The following KCNIP1 variants were observed in gnomAD, a reference collection of about 807,000 sequenced individuals.
The protein encoded by KCNIP1 is potassium voltage-gated channel interacting protein 1, also known as A-type potassium channel modulatory protein KCNIP1.
Under a neutral mutation model 33.0 loss-of-function variants are expected in KCNIP1, and 18 were observed. The observed-to-expected ratio is 0.55, with a 90% confidence interval of 0.38 to 0.81. The LOEUF (loss-of-function observed/expected upper bound fraction) is 0.81. Ranked by LOEUF, KCNIP1 falls within the 30% of genes least tolerant of loss-of-function variation. The pLI is 0.00. For missense variants in KCNIP1, 238 were observed against 271.6 expected, an observed-to-expected ratio of 0.88 and a Z score of 0.87; for synonymous variants, 93 against 98.3, an observed-to-expected ratio of 0.95 and a Z score of 0.32.
At chr5:170,470,539 C>T (rs1051952018) in intron 1 of KCNIP1, among the ~76,000 whole-genome samples, 1 of 152,190 alleles carries the variant, frequency 6.6e-6, no homozygotes, top group African/African-American at 2.4e-5. Flanking sequence ...GGGCGCCAAG[C>T]AAGCAGAATT....
intron 1 of KCNIP1, among the ~76,000 whole-genome samples, chr5:170,516,289 T>C (rs1421891291): frequency 1.3e-5 from 2 of 152,216 alleles, no homozygotes; most frequent in African/African-American, 2.4e-5. Context: ...GGGAACTTAC[T>C]ATTTGTCCCC....
intron 1 of KCNIP1, among the ~76,000 whole-genome samples, chr5:170,520,904 A>G (rs879798773): frequency 3.9e-5 from 6 of 152,216 alleles, no homozygotes; most frequent in Admixed American, 1.3e-4. Flanking sequence ...GTGGCCTTGG[A>G]TAAGTCATCT....
At chr5:170,380,407 A>G (rs1764192302) in intron 1 of KCNIP1, among the ~76,000 whole-genome samples, 1 of 152,212 alleles carries the variant, frequency 6.6e-6, no homozygotes, top group African/African-American at 2.4e-5. Context: ...AAAATGTGTA[A>G]AACTGAGACC....
intron 1 of KCNIP1, among the ~76,000 whole-genome samples, chr5:170,462,264 C>CAAAAAAAAAAAAAAAAAAAAAAATAAAAA (rs760686464): frequency 5.8e-5 from 3 of 52,026 alleles, no homozygotes; most frequent in Non-Finnish European, 7.0e-5. Context: ...AACAAATTAG[C>CAAAAAAAAAAAAAAAAAAAAAAATAAAAA]AAAAAAAAAA....
chr5:170,594,508 T>G lies in KCNIP1; in HGVS notation c.61+89875T>G, dbSNP rs569665364. ...CATGTTAGTGACTCTAACTACAGTT[T>G]CTTTTTTTTTATTATTGTTTGAGAC... On this transcript the variant is annotated intron_variant, in intron 1 of 7. Coordinates refer to ENST00000328939, the MANE Select transcript of KCNIP1 (RefSeq NM_014592.4). Among the ~76,000 whole-genome samples, 46 of 152,260 alleles carry G rather than the reference T, an allele frequency of 3.0e-4. No individual in the cohort carries two copies. The South Asian group carries it at 9.1e-3, about 30-fold the overall frequency.
At chr5:170,570,366 A>C (rs1757361485) in intron 1 of KCNIP1, among the ~76,000 whole-genome samples, 1 of 152,180 alleles carries the variant, frequency 6.6e-6, no homozygotes, top group Non-Finnish European at 1.5e-5. Flanking sequence ...GAGAAGGAGA[A>C]GCTGATCTGT....
chr5:170,561,417 G>A (rs1332813868), intron 1 of KCNIP1, among the ~76,000 whole-genome samples: 1 of 152,198 alleles, frequency 6.6e-6, no homozygotes, highest in Non-Finnish European at 1.5e-5. Flanking sequence ...TCTTGGAACA[G>A]AGAAAGGAGG....
At chr5:170,396,160 G>C (rs17649133) in intron 1 of KCNIP1, among the ~76,000 whole-genome samples, 1 of 152,158 alleles carries the variant, frequency 6.6e-6, no homozygotes, top group Admixed American at 6.5e-5. Context: ...TAGGAATGAA[G>C]GTGTGGACAG....
intron 1 of KCNIP1, among the ~76,000 whole-genome samples, chr5:170,495,263 GTGGTCAC>G (rs138129058): frequency 6.6e-6 from 1 of 152,308 alleles, no homozygotes; most frequent in East Asian, 1.9e-4. Flanking sequence ...TGTGCATTCT[GTGGTCAC>G]TGTGCCATTC....
chr5:170,464,822 G>A (rs1283910651), intron 1 of KCNIP1, among the ~76,000 whole-genome samples: 3 of 152,184 alleles, frequency 2.0e-5, no homozygotes, highest in Admixed American at 2.0e-4. Context: ...GCCTGGCTTA[G>A]GGACCTCATC....
At chr5:170,428,424 CT>C (rs11423617) in intron 1 of KCNIP1, among the ~76,000 whole-genome samples, 56,585 of 148,886 alleles carry the variant, frequency 0.38, 11,153 homozygotes, top group Middle Eastern at 0.49. Context: ...TTAATGCTGT[CT>C]TTTTTTTTTT....
chr5:170,570,161 T>C (rs750832361), intron 1 of KCNIP1, among the ~76,000 whole-genome samples: 15 of 152,212 alleles, frequency 9.9e-5, no homozygotes, highest in Non-Finnish European at 1.5e-5. Flanking sequence ...TGAGCCTCTA[T>C]TTTCTATAAA....
intron 1 of KCNIP1, among the ~76,000 whole-genome samples, chr5:170,617,076 G>A (rs1397341449): frequency 6.6e-6 from 1 of 151,882 alleles, no homozygotes; most frequent in Non-Finnish European, 1.5e-5. Context: ...GGTATCTCTA[G>A]GGCCCAGAAT....
intron 1 of KCNIP1, among the ~76,000 whole-genome samples, chr5:170,473,926 C>T (rs1174292984): frequency 6.6e-6 from 1 of 152,134 alleles, no homozygotes; most frequent in African/African-American, 2.4e-5. Flanking sequence ...TGACACAGGG[C>T]TAGGATATGG....
rs1186555141 is a variant in KCNIP1 at position 170,489,378 on chromosome 5, T to C, written c.88+135414T>C. Among the ~76,000 whole-genome samples, 2 of 152,314 alleles carry C rather than the reference T, an allele frequency of 1.3e-5. No individual in the cohort carries two copies. The highest frequency in any genetic ancestry group is 3.9e-4 in the East Asian group (2 of 5,176). On this transcript the variant is annotated intron_variant, in intron 1 of 7. Transcript: ENST00000377360. This position sits in a 1 kb window ranked among gnomAD's most constrained non-coding sequence, Gnocchi z 4.3. ...TGCCGCTAGACTTTGGCCAGGGCTGTCCTGCAGGTAAGGGCCTCGTGCAGG... is the reference window on the plus strand; with the variant it reads ...TGCCGCTAGACTTTGGCCAGGGCTGCCCTGCAGGTAAGGGCCTCGTGCAGG...
chr5:170,544,868 C>T (rs1720109126), intron 1 of KCNIP1, among the ~76,000 whole-genome samples: 1 of 152,134 alleles, frequency 6.6e-6, no homozygotes, highest in Admixed American at 6.5e-5. Context: ...TGTTGTTAAA[C>T]ATTTTACTTC....
chr5:170,602,799 C>G (rs1392770243), intron 1 of KCNIP1, among the ~76,000 whole-genome samples: 1 of 152,196 alleles, frequency 6.6e-6, no homozygotes, highest in Non-Finnish European at 1.5e-5. Context: ...ATGAAAAAAC[C>G]AGAGGAGCCA....
chr5:170,383,282 G>A (rs1764324847), intron 1 of KCNIP1: 4 of 407,246 alleles, frequency 9.8e-6, no homozygotes, highest in Non-Finnish European at 1.8e-5. Context: ...TCATTTGACT[G>A]AGGTTGTAGA....
intron 1 of KCNIP1, among the ~76,000 whole-genome samples, chr5:170,409,822 C>T (rs74365651): frequency 0.12 from 18,851 of 152,160 alleles, 1,273 homozygotes; most frequent in South Asian, 0.21. Context: ...CAGTGTCTTT[C>T]CCTGTAAAAT....
Sources: allele counts gnomAD v4.1 joint callset (sites outside exome capture counted in the v4.1 genomes callset), GRCh38; gene constraint gnomAD v4.1.1; non-coding constraint Gnocchi (gnomAD v3.1); transcripts MANE v1.5; gene names NCBI Gene and HGNC (gene_info 2026-07-23, HGNC 2026-07-21).